Variants in ADAM22 observed in about 807,000 individuals in gnomAD.
The protein encoded by ADAM22 is disintegrin and metalloproteinase domain-containing protein 22.
ADAM22 carries 65 observed loss-of-function variants against 144.6 expected under a neutral mutation model. The observed-to-expected ratio is 0.45, with a 90% CI of 0.37 to 0.55. The LOEUF (loss-of-function observed/expected upper bound fraction) is 0.55, where lower values mean the gene tolerates loss of function less well. Ranked by LOEUF, ADAM22 falls within the 20% of genes least tolerant of loss-of-function variation. ADAM22 has a pLI of 0.00. For synonymous variants in ADAM22, 391 were observed against 412.6 expected (o/e 0.95, Z 0.63); for missense variants, 974 against 1,184.9 (o/e 0.82, Z 2.61).
At chr7:87,999,364 A>G (rs1791993918) in intron 3 of ADAM22, among the ~76,000 whole-genome samples, 1 of 152,048 alleles carries the variant, frequency 6.6e-6, no homozygotes, top group South Asian at 2.1e-4. Context: ...AATCCTTATG[A>G]TCTATGTGGG....
At chr7:88,010,084 T>C (rs1015269787) in intron 3 of ADAM22, among the ~76,000 whole-genome samples, 7 of 152,104 alleles carry the variant, frequency 4.6e-5, no homozygotes, top group African/African-American at 1.7e-4. Context: ...AGGGTCTCTC[T>C]ATAGAACTTG....
chr7:88,133,458 G>A (rs1424365675), intron 12 of ADAM22, among the ~76,000 whole-genome samples: 1 of 151,662 alleles, frequency 6.6e-6, no homozygotes. Context: ...GACAGACTGG[G>A]GAAATAATGG....
chr7:88,191,953 T>C (rs1486603626), intron 30 of ADAM22, among the ~76,000 whole-genome samples: 1 of 152,190 alleles, frequency 6.6e-6, no homozygotes, highest in Non-Finnish European at 1.5e-5. Flanking sequence ...GAAATTAGTA[T>C]GAAAACTATG....
rs558607005 is a variant in ADAM22, at chr7:88,165,687, A to G, written c.2077-145A>G. 727 of 440,822 alleles carry G rather than the reference A, an allele frequency of 1.6e-3. 8 individuals are homozygous for G. Among genetic ancestry groups the G allele is most frequent in the African/African-American group, 0.014 (662 of 48,740 alleles). 27.3% of individuals were successfully genotyped at this position (440,822 alleles called of 1,614,324 possible). ...TGCTTGAGGTACTGGAGGGAGAAAT[A>G]ATGTAATTAGTATTAAGAAGAACAT... is the stretch of plus-strand genomic sequence containing the variant. On this transcript the variant is annotated intron_variant, in intron 23 of 31. Coordinates refer to ENST00000413139, the MANE Select transcript of ADAM22 (RefSeq NM_001324418.2).
chr7:88,155,789 G>C, intron 21 of ADAM22, 98 bp from the exon 22 acceptor site: 1 of 1,428,364 alleles, frequency 7.0e-7, no homozygotes. Flanking sequence ...TAATATACTT[G>C]ATGAAAACCA....
At chr7:88,108,363 CTT>C (rs1176593119) in intron 5 of ADAM22, 105 bp downstream of exon 5, 2 of 872,912 alleles carry the variant, frequency 2.3e-6, no homozygotes, top group Non-Finnish European at 3.4e-6. Flanking sequence ...CAAGAAATGA[CTT>C]TAAATTGGTG....
At chr7:88,107,198 CTTTTTT>C (rs561936408) in intron 4 of ADAM22, among the ~76,000 whole-genome samples, 7 of 76,566 alleles carry the variant, frequency 9.1e-5, no homozygotes, top group Admixed American at 5.0e-4. Flanking sequence ...GATTGAATTT[CTTTTTT>C]TTTTTTTTTT....
At chr7:87,954,356 A>T (rs913306943) in intron 2 of ADAM22, among the ~76,000 whole-genome samples, 3 of 152,132 alleles carry the variant, frequency 2.0e-5, no homozygotes, top group African/African-American at 7.2e-5. Flanking sequence ...AAAATCTCTC[A>T]GCATTTGCTT....
chr7:87,963,581 G>C (rs528788084), intron 2 of ADAM22, among the ~76,000 whole-genome samples: 1 of 152,102 alleles, frequency 6.6e-6, no homozygotes, highest in East Asian at 1.9e-4. Flanking sequence ...AAACTGCACT[G>C]ATTTGTCTCC....
In ADAM22 at chr7:88,051,121, A is replaced by G. The variant is rs1394235811; in HGVS notation, c.324-24505A>G. ...GTTGGTGGGATTGTAAACTAGTTCA[A>G]CCACTGTGGAAGACAGTGTGGCAAT... On this transcript the variant is annotated intron_variant, in intron 3 of 31. Transcript: ENST00000413139. Among the ~76,000 whole-genome samples, 3 of 152,240 alleles carry G rather than the reference A, an allele frequency of 2.0e-5. No individual in the cohort carries two copies. In the East Asian group the frequency reaches 5.8e-4, roughly 29 times the overall value.
intron 4 of ADAM22, among the ~76,000 whole-genome samples, chr7:88,100,863 G>A (rs1822725503): frequency 6.6e-6 from 1 of 151,926 alleles, no homozygotes; most frequent in Non-Finnish European, 1.5e-5. Flanking sequence ...TTGGAGGAGG[G>A]CAGGTTCCTG....
chr7:88,038,947 A>AT (rs1175706820), intron 3 of ADAM22, among the ~76,000 whole-genome samples: 1 of 151,642 alleles, frequency 6.6e-6, no homozygotes, highest in Non-Finnish European at 1.5e-5. Flanking sequence ...TGCCTGGCTA[A>AT]TTTTTTAGTT....
chr7:88,103,424 G>C (rs1227027007), intron 4 of ADAM22, among the ~76,000 whole-genome samples: 1 of 151,926 alleles, frequency 6.6e-6, no homozygotes, highest in Non-Finnish European at 1.5e-5. Context: ...GATGTTCCTA[G>C]AATAAAAAAT....
chr7:88,173,574 A>G (rs1844886857), intron 26 of ADAM22, among the ~76,000 whole-genome samples: 1 of 152,092 alleles, frequency 6.6e-6, no homozygotes, highest in Non-Finnish European at 1.5e-5. Context: ...AACAGACCAA[A>G]GCATGCATTA....
chr7:87,970,757 C>T (rs578003558), intron 2 of ADAM22, among the ~76,000 whole-genome samples: 1 of 152,268 alleles, frequency 6.6e-6, no homozygotes, highest in Admixed American at 6.5e-5. Context: ...ATTTTAATTT[C>T]AGCTATTGCC....
At chr7:88,164,272 CAA>C (rs1842441757) in intron 23 of ADAM22, among the ~76,000 whole-genome samples, 1 of 151,928 alleles carries the variant, frequency 6.6e-6, no homozygotes, top group Admixed American at 6.6e-5. Flanking sequence ...AAACAAAACA[CAA>C]GAGACCAAAC....
chr7:88,128,143 C>T (rs1293911704), intron 8 of ADAM22, among the ~76,000 whole-genome samples: 1 of 151,974 alleles, frequency 6.6e-6, no homozygotes, highest in Non-Finnish European at 1.5e-5. Context: ...CTCGGAGATC[C>T]TCAGAGGACC....
intron 3 of ADAM22, among the ~76,000 whole-genome samples, chr7:88,024,303 C>T (rs1279009068): frequency 6.6e-6 from 1 of 152,168 alleles, no homozygotes; most frequent in Admixed American, 6.5e-5. Context: ...TACATTCCCA[C>T]CAACATTGTA....
At chr7:88,110,010 A>G (rs1299986870) in intron 5 of ADAM22, among the ~76,000 whole-genome samples, 2 of 152,206 alleles carry the variant, frequency 1.3e-5, no homozygotes, top group African/African-American at 2.4e-5. Context: ...TATAAGTGTA[A>G]GTTAAATAAC....
Sources: allele counts gnomAD v4.1 joint callset (sites outside exome capture counted in the v4.1 genomes callset), GRCh38; gene constraint gnomAD v4.1.1; transcripts MANE v1.5; gene names NCBI Gene and HGNC (gene_info 2026-07-23, HGNC 2026-07-21).